Variants in BRINP1 observed in about 807,000 individuals in gnomAD.
BRINP1 encodes BMP/retinoic acid inducible neural specific 1, also known as BMP/retinoic acid-inducible neural-specific protein 1.
A neutral mutation model predicts 72.9 loss-of-function variants in BRINP1; 17 were observed. The observed-to-expected ratio is 0.23, with a 90% CI of 0.16 to 0.35. The LOEUF (loss-of-function observed/expected upper bound fraction) is 0.35. Among genes scored for constraint, BRINP1 ranks in the 10% least tolerant of loss-of-function variants. The pLI, the probability that BRINP1 is intolerant of heterozygous loss-of-function variation, is 1.00. For missense variants in BRINP1, 850 were observed against 1,001.6 expected (o/e 0.85, Z 2.04); for synonymous variants, 418 against 378.5 (o/e 1.10, Z -1.21).
chr9:119,218,584 C>T (rs1328026483), intron 5 of BRINP1, among the ~76,000 whole-genome samples: 1 of 151,950 alleles, frequency 6.6e-6, no homozygotes, highest in Non-Finnish European at 1.5e-5. Flanking sequence ...AATCAGGTGA[C>T]CTGGCCAAAG....
chr9:119,362,268 G>T (rs112610716), intron 1 of BRINP1, among the ~76,000 whole-genome samples: 1 of 152,098 alleles, frequency 6.6e-6, no homozygotes, highest in Non-Finnish European at 1.5e-5. Context: ...ACTGGAATCA[G>T]GTACCCTGAG....
At chr9:119,254,330 T>A (rs998042188) in intron 2 of BRINP1, among the ~76,000 whole-genome samples, 5 of 152,112 alleles carry the variant, frequency 3.3e-5, no homozygotes, top group African/African-American at 1.2e-4. Context: ...TCATTTCATA[T>A]AGGTCATCAG....
intron 1 of BRINP1, among the ~76,000 whole-genome samples, chr9:119,356,670 T>C (rs1831570161): frequency 6.6e-6 from 1 of 151,894 alleles, no homozygotes; most frequent in African/African-American, 2.4e-5. Flanking sequence ...CTGGGCATGG[T>C]GGTGCGTGCC....
At chr9:119,341,005 T>C (rs1270305993) in intron 1 of BRINP1, among the ~76,000 whole-genome samples, 1 of 152,144 alleles carries the variant, frequency 6.6e-6, no homozygotes, top group Admixed American at 6.5e-5. Context: ...CTGGCTCTCT[T>C]CTAAGGGTTA....
intron 7 of BRINP1, among the ~76,000 whole-genome samples, chr9:119,205,165 T>C (rs908835559): frequency 9.9e-5 from 15 of 152,080 alleles, no homozygotes; most frequent in African/African-American, 3.1e-4. Flanking sequence ...CAGATTCAGA[T>C]GTCAGGAAGC....
chr9:119,322,390 G>A (rs189415517), intron 1 of BRINP1, among the ~76,000 whole-genome samples: 2 of 152,296 alleles, frequency 1.3e-5, no homozygotes, highest in African/African-American at 2.4e-5. Flanking sequence ...CTATATATAA[G>A]CCTGCAGTGT....
chr9:119,201,098 CA>C (rs1367099744), intron 7 of BRINP1, among the ~76,000 whole-genome samples: 3 of 152,046 alleles, frequency 2.0e-5, no homozygotes, highest in Non-Finnish European at 4.4e-5. Context: ...AAGTAGTAAC[CA>C]AAAAGTTTTA....
intron 2 of BRINP1, among the ~76,000 whole-genome samples, chr9:119,303,875 C>CTTTTTTTT (rs11292229): frequency 2.9e-5 from 4 of 138,720 alleles, no homozygotes; most frequent in Non-Finnish European, 4.7e-5. Flanking sequence ...CTCTTTTTTT[C>CTTTTTTTT]TTTTTTTTTT....
chr9:119,198,839 T>G (rs553451656), intron 7 of BRINP1, among the ~76,000 whole-genome samples: 1 of 151,954 alleles, frequency 6.6e-6, no homozygotes, highest in Non-Finnish European at 1.5e-5. Context: ...GCCAGGCTGA[T>G]TTTTGTATTT....
intron 2 of BRINP1, among the ~76,000 whole-genome samples, chr9:119,277,710 C>A (rs552118829): frequency 3.3e-5 from 5 of 152,236 alleles, no homozygotes; most frequent in African/African-American, 1.2e-4. Flanking sequence ...TGCCTAATTT[C>A]TTGAACTAGT....
intron 1 of BRINP1, among the ~76,000 whole-genome samples, chr9:119,336,818 G>T (rs573755238): frequency 6.6e-6 from 1 of 152,096 alleles, no homozygotes; most frequent in Admixed American, 6.5e-5. Flanking sequence ...GACAGAATGG[G>T]AGAGAGAAGA....
At chr9:119,345,262 G>C (rs185104716) in intron 1 of BRINP1, among the ~76,000 whole-genome samples, 3 of 152,100 alleles carry the variant, frequency 2.0e-5, no homozygotes, top group Admixed American at 2.0e-4. Flanking sequence ...CTCCATGTTA[G>C]ACTTTAGTTT....
chr9:119,178,399 G>T lies in BRINP1; in HGVS notation c.1146-10175C>A, dbSNP rs142274040. 3.8e-3 allele frequency among the ~76,000 whole-genome samples: 572 copies of T among 152,226 alleles called. 5 individuals are homozygous for T. Among genetic ancestry groups the T allele is most frequent in the African/African-American group, 0.013 (521 of 41,530 alleles). ...TTTTCCATATTTCATTTTGAGATTA[G>T]AACCACAAAAAGCTCATTTCATTGT... On this transcript the variant is annotated intron_variant, in intron 7 of 7. Transcript: ENST00000265922.
At chr9:119,262,142 G>A (rs527353562) in intron 2 of BRINP1, among the ~76,000 whole-genome samples, 4 of 152,200 alleles carry the variant, frequency 2.6e-5, no homozygotes, top group East Asian at 3.9e-4. Flanking sequence ...CAAAGATTCC[G>A]GGTTTAACTA....
chr9:119,361,142 C>G (rs560065145), intron 1 of BRINP1, among the ~76,000 whole-genome samples: 1 of 152,264 alleles, frequency 6.6e-6, no homozygotes, highest in African/African-American at 2.4e-5. Context: ...TGACTCTTCA[C>G]TTTCTCTCTC....
At chr9:119,240,279 C>T (rs1830234255) in intron 4 of BRINP1, among the ~76,000 whole-genome samples, 1 of 151,946 alleles carries the variant, frequency 6.6e-6, no homozygotes, top group Non-Finnish European at 1.5e-5. Context: ...AAAAAGACAA[C>T]AACAACAACA....
At chr9:119,319,253 C>T (rs1831159643) in intron 1 of BRINP1, among the ~76,000 whole-genome samples, 1 of 152,178 alleles carries the variant, frequency 6.6e-6, no homozygotes, top group South Asian at 2.1e-4. Flanking sequence ...TGGCCAGGCA[C>T]TTGGCATGTA....
chr9:119,361,923 C>A (rs981990768), intron 1 of BRINP1, among the ~76,000 whole-genome samples: 1 of 151,476 alleles, frequency 6.6e-6, no homozygotes, highest in African/African-American at 2.4e-5. Flanking sequence ...CCTGTCTCAG[C>A]CTCCTGAGTA....
intron 7 of BRINP1, among the ~76,000 whole-genome samples, chr9:119,197,098 T>G (rs1250204450): frequency 6.6e-6 from 1 of 152,102 alleles, no homozygotes; most frequent in Non-Finnish European, 1.5e-5. Flanking sequence ...GAAGTCTGGG[T>G]TTAAACGCAG....
Sources: gnomAD v4.1 joint callset for allele counts (sites outside exome capture counted in the v4.1 genomes callset) on GRCh38, gnomAD v4.1.1 for gene constraint, MANE v1.5 for transcripts, NCBI Gene and HGNC (gene_info 2026-07-23, HGNC 2026-07-21) for gene names.